GLI3: variants seen among roughly 807,000 people sequenced by gnomAD.
GLI3 encodes transcription activator GLI3.
A neutral mutation model predicts 100.8 loss-of-function variants in GLI3; 20 were observed. The ratio of observed to expected loss-of-function variants is 0.20; its 90% CI spans 0.14 to 0.29. GLI3 has a LOEUF of 0.29. Ranked by LOEUF, GLI3 falls within the 10% of genes least tolerant of loss-of-function variation. The pLI, the probability that GLI3 is intolerant of heterozygous loss-of-function variation, is 1.00. For synonymous variants in GLI3, 938 were observed against 860.5 expected (o/e 1.09, Z -1.58); for missense variants, 2,040 against 2,128.5 (o/e 0.96, Z 0.82).
chr7:42,169,226 T>TA (rs1787311309), intron 2 of GLI3, among the ~76,000 whole-genome samples: 1 of 152,182 alleles, frequency 6.6e-6, no homozygotes, highest in Non-Finnish European at 1.5e-5. Context: ...ATATGAAACT[T>TA]ACAGCTGTTT....
intron 2 of GLI3, among the ~76,000 whole-genome samples, chr7:42,211,774 C>T (rs1477471027): frequency 6.6e-6 from 1 of 152,194 alleles, no homozygotes; most frequent in East Asian, 1.9e-4. Context: ...CATCTCTTCT[C>T]TTTATTATAC....
At position 42,216,501 on chromosome 7, in the gene GLI3, T is replaced by G. The variant is rs751899143; in HGVS notation, c.124+6629A>C. Among the ~76,000 whole-genome samples, 127 of 152,158 alleles carry G rather than the reference T, an allele frequency of 8.3e-4. 1 individual carries two copies. Among genetic ancestry groups the G allele is most frequent in the Middle Eastern group, 3.2e-3 (1 of 316 alleles). ...GTGAATGATGGAAAGTTAATAACAG[T>G]GCATCAATATTGGTTCATCAGTTGT... On this transcript the variant is annotated intron_variant, in intron 2 of 14. Transcript: ENST00000395925.
chr7:42,235,008 C>T lies in GLI3; in HGVS notation c.-43+1963G>A, dbSNP rs567982459. ...CTAACATAAACAAATTCTTCAGATA[C>T]TTCACAGAGTTTACATTGTTAAAAC... is the stretch of plus-strand genomic sequence containing the variant. On this transcript the variant is annotated intron_variant, in intron 1 of 14. Coordinates refer to ENST00000395925, the MANE Select transcript of GLI3 (RefSeq NM_000168.6). Among the ~76,000 whole-genome samples the T allele has an allele frequency of 2.4e-4, 37 of 152,320 alleles. 1 individual carries two copies. The highest frequency in any genetic ancestry group is 7.2e-4 in the African/African-American group (30 of 41,564).
chr7:42,130,258 T>C (rs1180038503), intron 3 of GLI3, among the ~76,000 whole-genome samples: 2 of 152,058 alleles, frequency 1.3e-5, no homozygotes, highest in Non-Finnish European at 2.9e-5. Flanking sequence ...CCATCCAAGT[T>C]TCCATATGCC....
intron 10 of GLI3, among the ~76,000 whole-genome samples, chr7:42,003,246 T>C (rs1788359490): frequency 1.3e-5 from 2 of 152,214 alleles, no homozygotes; most frequent in African/African-American, 4.8e-5. Flanking sequence ...GTGAATGTTA[T>C]AATCTCGAAG....
rs1213633941 is a variant in GLI3, at chr7:42,182,644, G to GTGTATA, written c.125-34177_125-34176insTATACA. 3.0e-3 allele frequency among the ~76,000 whole-genome samples: 155 copies of GTGTATA among 51,648 alleles called. 1 individual carries two copies. Among genetic ancestry groups the GTGTATA allele is most frequent in the East Asian group, 5.7e-3 (13 of 2,278 alleles). 33.9% of individuals were successfully genotyped at this position (51,648 alleles called of 152,430 possible). On this transcript the variant is annotated intron_variant, in intron 2 of 14. Transcript: ENST00000395925. Reference sequence around the variant, plus strand: ...TTTATATGCATATGTATATGTGTGTGTATATATATATATATATATATATAT... The same window carrying GTGTATA: ...TTTATATGCATATGTATATGTGTGTGTGTATATATATATATATATATATATATATAT...
At chr7:42,187,056 A>G (rs1562777844) in intron 2 of GLI3, among the ~76,000 whole-genome samples, 1 of 151,406 alleles carries the variant, frequency 6.6e-6, no homozygotes, top group Non-Finnish European at 1.5e-5. Flanking sequence ...AAAAAAAAAA[A>G]GTTAATTAGC....
intron 3 of GLI3, among the ~76,000 whole-genome samples, chr7:42,126,358 C>T (rs1216764406): frequency 2.0e-5 from 3 of 151,526 alleles, no homozygotes; most frequent in African/African-American, 7.4e-5. Flanking sequence ...ATTTCTCATA[C>T]TGAGTGAAAT....
rs773421005 is a variant in GLI3, at chr7:41,965,341, G to A, written c.3732C>T (p.Phe1244=). ...SPGSGTSGNA[F]HEQPCKAPQY... is the part of the protein sequence containing the mutation. The stretch of plus-strand genomic sequence containing the variant: ...GCGGGGCCTTACAGGGCTGTTCATG[G>A]AAGGCGTTTCCACTGGTGCCACTTC... Residue 1244 remains phenylalanine, a synonymous_variant, in exon 15 of 15, where the codon TTC becomes TTT. Coordinates refer to ENST00000395925, the MANE Select transcript of GLI3 (RefSeq NM_000168.6). The A allele has an allele frequency of 1.9e-6, 3 of 1,613,716 alleles. No individual in the cohort carries two copies. The highest frequency in any genetic ancestry group is 2.7e-5 in the African/African-American group (2 of 74,932).
At chr7:42,109,491 A>C (rs939209234) in intron 3 of GLI3, among the ~76,000 whole-genome samples, 12 of 152,220 alleles carry the variant, frequency 7.9e-5, no homozygotes, top group African/African-American at 2.9e-4. Flanking sequence ...GTAATGAATG[A>C]GAGCATAATG....
At position 41,965,939 on chromosome 7, in the gene GLI3, A is replaced by G; in HGVS notation, c.3134T>C (p.Val1045Ala). 1 of 1,612,620 alleles carries G rather than the reference A, an allele frequency of 6.2e-7. No homozygotes were observed. Among genetic ancestry groups the G allele is most frequent in the Non-Finnish European group, 8.5e-7 (1 of 1,179,838 alleles). The change falls in exon 15 of 15, where the codon GTG becomes GCG. Residue 1045 changes from valine to alanine, a missense_variant. Transcript: ENST00000395925. ...MATSAEKRSL[V>A]LQNYTRPEGG... ...CTCGGGCCGCGTGTAATTCTGAAGC[A>G]CGAGACTGCGCTTCTCCGCGGACGT...
chr7:42,204,196 T>A (rs1788102702), intron 2 of GLI3, among the ~76,000 whole-genome samples: 1 of 151,686 alleles, frequency 6.6e-6, no homozygotes, highest in Non-Finnish European at 1.5e-5. Flanking sequence ...CTCATATACC[T>A]CTCCATTCAC....
At chr7:42,227,324 G>GA (rs34418852) in intron 1 of GLI3, among the ~76,000 whole-genome samples, 62,088 of 140,676 alleles carry the variant, frequency 0.44, 13,567 homozygotes, top group East Asian at 0.72. Context: ...GCTCGGTGAA[G>GA]AAAAAAAAAA....
chr7:42,074,860 G>A (rs1583533478), intron 4 of GLI3, among the ~76,000 whole-genome samples: 1 of 152,136 alleles, frequency 6.6e-6, no homozygotes, highest in African/African-American at 2.4e-5. Flanking sequence ...ATACATTTAG[G>A]CTGCTAGAGA....
Position 41,995,746 on chromosome 7 carries a change from A to G in GLI3, c.1498-16998T>C, listed in dbSNP as rs181691962. On this transcript the variant is annotated intron_variant, in intron 10 of 14. Transcript: ENST00000395925. The stretch of plus-strand genomic sequence containing the variant: ...CTGTGTACCCATTAAAATAAATGAG[A>G]TGAAGAAAAGAAAGAAGAAAGGCAA... Among the ~76,000 whole-genome samples, 691 of 152,232 alleles carry G rather than the reference A, an allele frequency of 4.5e-3. 8 individuals carry two copies. Among genetic ancestry groups the G allele is most frequent in the Middle Eastern group, 0.017 (5 of 294 alleles).
chr7:42,130,321 AC>A (rs1225870357), intron 3 of GLI3, among the ~76,000 whole-genome samples: 1 of 152,136 alleles, frequency 6.6e-6, no homozygotes, highest in African/African-American at 2.4e-5. Flanking sequence ...GGGGAATGAC[AC>A]CCAAGGATCA....
chr7:42,159,116 A>T (rs1787072124), intron 2 of GLI3, among the ~76,000 whole-genome samples: 1 of 152,078 alleles, frequency 6.6e-6, no homozygotes, highest in African/African-American at 2.4e-5. Context: ...CTGAATAGCT[A>T]TTTTGCAAAA....
chr7:42,043,461 C>T (rs1336874103), intron 6 of GLI3, among the ~76,000 whole-genome samples: 2 of 152,038 alleles, frequency 1.3e-5, no homozygotes, highest in African/African-American at 4.8e-5. Flanking sequence ...GAGAAGTAGC[C>T]CAGTTCTTCA....
chr7:42,112,872 A>AAAAT (rs1221700052), intron 3 of GLI3, among the ~76,000 whole-genome samples: 1 of 152,078 alleles, frequency 6.6e-6, no homozygotes, highest in Non-Finnish European at 1.5e-5. Flanking sequence ...CATTCAGTTA[A>AAAAT]AAATAAATAA....
Sources: gnomAD v4.1 joint callset for allele counts (sites outside exome capture counted in the v4.1 genomes callset) on GRCh38, gnomAD v4.1.1 for gene constraint, MANE v1.5 for transcripts, NCBI Gene and HGNC (gene_info 2026-07-23, HGNC 2026-07-21) for gene names.